C1orf94: variants seen among roughly 807,000 people sequenced by gnomAD.
C1orf94 encodes the protein chromosome 1 open reading frame 94.
In C1orf94, 45 loss-of-function variants were observed where a neutral mutation model predicts 53.6. The ratio of observed to expected loss-of-function variants is 0.84; its 90% CI spans 0.66 to 1.08. The LOEUF is 1.08. Among genes scored for constraint, C1orf94 ranks in the 50% least tolerant of loss-of-function variants. The pLI is 0.00. For synonymous variants in C1orf94, 304 were observed against 296.1 expected (o/e 1.03, Z -0.27); for missense variants, 762 against 738.9 (o/e 1.03, Z -0.36).
chr1:34,176,102 C>A (rs1267645049), upstream of C1orf94, among the ~76,000 whole-genome samples: 1 of 151,978 alleles, frequency 6.6e-6, no homozygotes, highest in Non-Finnish European at 1.5e-5. Context: ...CAGTGCCCAG[C>A]AACTCATCGG....
At chr1:34,175,704 G>C (rs999532511), upstream of C1orf94, among the ~76,000 whole-genome samples, 7 of 152,010 alleles carry the variant, frequency 4.6e-5, no homozygotes, top group African/African-American at 1.7e-4. Flanking sequence ...CATATTTTTT[G>C]AGTGCCTACT....
At chr1:34,205,055 A>G (rs1193226477) in intron 4 of C1orf94, among the ~76,000 whole-genome samples, 1 of 152,194 alleles carries the variant, frequency 6.6e-6, no homozygotes, top group Non-Finnish European at 1.5e-5. Flanking sequence ...GGTTTGCTTT[A>G]TTAAGTGGGG....
At chr1:34,206,336 T>C (rs531307401) in intron 4 of C1orf94, among the ~76,000 whole-genome samples, 2 of 152,166 alleles carry the variant, frequency 1.3e-5, no homozygotes, top group South Asian at 4.1e-4. Context: ...GAGAAGATGA[T>C]GAAAAAGAGG....
At chr1:34,207,690 C>T (rs770103907) in intron 4 of C1orf94, among the ~76,000 whole-genome samples, 4 of 152,152 alleles carry the variant, frequency 2.6e-5, no homozygotes, top group Non-Finnish European at 5.9e-5. Context: ...CACGTAGAGA[C>T]GTGCATAGAC....
chr1:34,175,698 T>C (rs1172604265), upstream of C1orf94, among the ~76,000 whole-genome samples: 1 of 152,096 alleles, frequency 6.6e-6, no homozygotes, highest in Non-Finnish European at 1.5e-5. Flanking sequence ...CCAACACATA[T>C]TTTTTGAGTG....
At chr1:34,212,611 C>G (rs1171915250) in intron 6 of C1orf94, among the ~76,000 whole-genome samples, 2 of 152,112 alleles carry the variant, frequency 1.3e-5, no homozygotes, top group Non-Finnish European at 2.9e-5. Flanking sequence ...TGGTGGGCCC[C>G]TTTTGTAGGT....
At position 34,210,660 on chromosome 1, in the gene C1orf94, G is replaced by GT. The variant is rs758659664; in HGVS notation, c.1525-1537dup. On this transcript the variant is annotated intron_variant, in intron 5 of 6. Transcript: ENST00000488417. Reference sequence around the variant, plus strand: ...CAATGAGTGCTAGCCTTTGTGGATTGTTTTTTTTTTTTTAGACGGAGTCTC... The same window carrying GT: ...CAATGAGTGCTAGCCTTTGTGGATTGTTTTTTTTTTTTTTAGACGGAGTCTC... Among the ~76,000 whole-genome samples, 539 of 143,652 alleles carry GT rather than the reference G, an allele frequency of 3.8e-3. 1 individual carries two copies. The highest frequency in any genetic ancestry group is 0.01 in the East Asian group (52 of 4,962). The allele number at this position is 143,652 out of a possible 152,430, so 94.2% of individuals were successfully genotyped here. A position where few individuals can be genotyped will look rare whatever the true frequency, so the allele number is the denominator to read the frequency against.
intron 4 of C1orf94, among the ~76,000 whole-genome samples, chr1:34,205,678 G>C (rs1642780619): frequency 6.6e-6 from 1 of 152,236 alleles, no homozygotes; most frequent in South Asian, 2.1e-4. Flanking sequence ...AATGGGGTCA[G>C]AGAGCTCCAC....
intron 1 of C1orf94, among the ~76,000 whole-genome samples, chr1:34,196,573 C>A (rs1437960883): frequency 1.3e-5 from 2 of 152,164 alleles, no homozygotes; most frequent in Non-Finnish European, 2.9e-5. Context: ...ACCTTTGAAT[C>A]GCCCTTACTC....
intron 4 of C1orf94, among the ~76,000 whole-genome samples, chr1:34,202,876 A>C (rs1642734559): frequency 7.0e-6 from 1 of 143,874 alleles, no homozygotes; most frequent in Admixed American, 6.7e-5. Flanking sequence ...TGAAGAAGAA[A>C]ACAACAACAA....
At chr1:34,191,731 A>T (rs1642496495) in intron 1 of C1orf94, among the ~76,000 whole-genome samples, 1 of 151,712 alleles carries the variant, frequency 6.6e-6, no homozygotes, top group Non-Finnish European at 1.5e-5. Flanking sequence ...TTCTGCTTGC[A>T]TTTTTCTGTT....
chr1:34,200,159 A>G (rs1485731091), intron 2 of C1orf94, among the ~76,000 whole-genome samples: 2 of 152,186 alleles, frequency 1.3e-5, no homozygotes, highest in Non-Finnish European at 2.9e-5. Context: ...GTGAGTAATA[A>G]AACAAAAGTA....
chr1:34,212,273 C>T lies in C1orf94; in HGVS notation c.1588C>T (p.Leu530=). The change falls in exon 6 of 7, where the codon CTG becomes TTG. Residue 530 remains leucine, a synonymous_variant. Transcript: ENST00000488417. ...QIFRSSYTPL[L]SYIPFVQPNY... ...CTTCCGCTCTTCCTACACCCCTCTG[C>T]TGAGCTACATCCCTTTTGTCCAGCC... 6.2e-7 allele frequency: 1 copy of T among 1,614,032 alleles called. No homozygotes were observed. Among genetic ancestry groups the T allele is most frequent in the South Asian group, 1.1e-5 (1 of 91,062 alleles).
intron 5 of C1orf94, among the ~76,000 whole-genome samples, chr1:34,209,323 C>T (rs1008515976): frequency 1.2e-4 from 18 of 145,530 alleles, no homozygotes; most frequent in Non-Finnish European, 2.1e-4. Context: ...CACACACATG[C>T]AGACAGAAAC....
At chr1:34,210,736 C>T (rs1249457579) in intron 5 of C1orf94, among the ~76,000 whole-genome samples, 4 of 151,918 alleles carry the variant, frequency 2.6e-5, no homozygotes, top group African/African-American at 9.7e-5. Flanking sequence ...CTCACTGCAA[C>T]CTCCACCTCC....
chr1:34,172,809 C>G (rs1642167736), upstream of C1orf94, among the ~76,000 whole-genome samples: 1 of 152,182 alleles, frequency 6.6e-6, no homozygotes, highest in African/African-American at 2.4e-5. Flanking sequence ...AGGGGGAGGC[C>G]CATTCCCATG....
rs576706421 is a variant in C1orf94 at position 34,189,977 on chromosome 1, A to T, written c.321-7248A>T. Among the ~76,000 whole-genome samples the T allele has an allele frequency of 2.3e-4, 35 of 152,298 alleles. 1 individual carries two copies. The South Asian group carries it at 6.4e-3, about 28-fold the overall frequency. ...CTTCTTCCACTCTTAGGGGAAGTGG[A>T]GGACAGGGAGGGGGTAAGAGGGGAG... On this transcript the variant is annotated intron_variant, in intron 1 of 6. Transcript: ENST00000488417.
intron 5 of C1orf94, among the ~76,000 whole-genome samples, chr1:34,210,546 A>C (rs1642872248): frequency 6.6e-6 from 1 of 152,146 alleles, no homozygotes; most frequent in Non-Finnish European, 1.5e-5. Flanking sequence ...CTGCTTCCAA[A>C]CTGGAAATAA....
chr1:34,178,121 C>T lies in C1orf94; in HGVS notation c.320+12C>T, dbSNP rs970101073. 2 of 1,547,242 alleles carry T rather than the reference C, an allele frequency of 1.3e-6. No individual in the cohort carries two copies. Among genetic ancestry groups the T allele is most frequent in the East Asian group, 2.4e-5 (1 of 40,818 alleles). On this transcript the variant is annotated intron_variant, in intron 1 of 6. Coordinates refer to ENST00000488417, the MANE Select transcript of C1orf94 (RefSeq NM_001134734.2). ...AGCTTTCAAGAAGAGTAAGTACCCC[C>T]CTACTCCATTGGCAGCAAGGGAGGA...
Sources: gnomAD v4.1 joint callset for allele counts (sites outside exome capture counted in the v4.1 genomes callset) on GRCh38, gnomAD v4.1.1 for gene constraint, MANE v1.5 for transcripts, NCBI Gene and HGNC (gene_info 2026-07-23, HGNC 2026-07-21) for gene names.